Variants in WFDC1 observed in about 807,000 individuals in gnomAD.
The protein encoded by WFDC1 is WAP four-disulfide core domain protein 1.
In WFDC1, 39 loss-of-function variants were observed where a neutral mutation model predicts 32.9. The ratio of observed to expected loss-of-function variants is 1.19; its 90% confidence interval spans 0.92 to 1.55. WFDC1 has a LOEUF of 1.55. Among genes scored for constraint, WFDC1 ranks in the 40% most tolerant of loss-of-function variants. WFDC1 has a pLI of 0.00. For missense variants in WFDC1, 386 were observed against 309.5 expected (o/e 1.25, Z -1.85); for synonymous variants, 184 against 137.4 (o/e 1.34, Z -2.37).
chr16:84,314,743 A>G (rs777246184), intron 2 of WFDC1, among the ~76,000 whole-genome samples: 1 of 152,144 alleles, frequency 6.6e-6, no homozygotes, highest in Non-Finnish European at 1.5e-5. Context: ...GAAAACCTAA[A>G]TGTTGCCCCT....
chr16:84,306,655 C>G (rs1907277237), intron 1 of WFDC1, among the ~76,000 whole-genome samples: 1 of 152,224 alleles, frequency 6.6e-6, no homozygotes, highest in Non-Finnish European at 1.5e-5. Flanking sequence ...GACCCCTGCT[C>G]TGCAGAACCC....
In WFDC1 at chr16:84,303,393, C is replaced by A. The variant is rs78672062; in HGVS notation, c.144+8278C>A. The stretch of plus-strand genomic sequence containing the variant: ...GGAGGCATGTGGGTAGCTTTGGTGG[C>A]AGCTCTGGAGATTGGATTCTTTTTC... On this transcript the variant is annotated intron_variant, in intron 1 of 6. Transcript: ENST00000219454. Among the ~76,000 whole-genome samples, 1,290 of 151,598 alleles carry A rather than the reference C, an allele frequency of 8.5e-3. 22 individuals are homozygous for A. Among genetic ancestry groups the A allele is most frequent in the African/African-American group, 0.03 (1,229 of 41,258 alleles).
In WFDC1 at chr16:84,303,525, A is replaced by C. The variant is rs1401155637; in HGVS notation, c.144+8410A>C. ...AACACAGAAAGTTATAAATTAGTAG[A>C]AATGATCTGAATTCTTCCTCCAAGA... On this transcript the variant is annotated intron_variant, in intron 1 of 6. Coordinates refer to ENST00000219454, the MANE Select transcript of WFDC1 (RefSeq NM_021197.4). 2.6e-5 allele frequency among the ~76,000 whole-genome samples: 4 copies of C among 152,276 alleles called. No individual in the cohort carries two copies. In the South Asian group the frequency reaches 6.2e-4, roughly 24 times the overall value.
chr16:84,314,678 G>C (rs1451190640), intron 2 of WFDC1, among the ~76,000 whole-genome samples: 2 of 152,180 alleles, frequency 1.3e-5, no homozygotes, highest in Non-Finnish European at 2.9e-5. Context: ...TACTGCCTCT[G>C]GGCAGGAACT....
In WFDC1 at chr16:84,319,462, C is replaced by T. The variant is rs745370597; in HGVS notation, c.453C>T (p.Ala151=). 16 of 1,611,616 alleles carry T rather than the reference C, an allele frequency of 9.9e-6. No individual in the cohort carries two copies. Among genetic ancestry groups the T allele is most frequent in the South Asian group, 5.5e-5 (5 of 91,084 alleles). The change falls in exon 4 of 7, where the codon GCC becomes GCT. Residue 151 remains alanine (A), a synonymous_variant. Transcript: ENST00000219454. ...AEACSTTEDG[A]EPLLCPSGYE... ...CGTGCAGCACCACGGAGGATGGGGC[C>T]GAACCCCTGCTCTGTCCCTCGGGCT...
At chr16:84,325,048 C>T (rs1567665073) in intron 5 of WFDC1, among the ~76,000 whole-genome samples, 1 of 151,910 alleles carries the variant, frequency 6.6e-6, no homozygotes, top group African/African-American at 2.4e-5. Context: ...TCTATCTTTT[C>T]ACCCACCCAT....
Position 84,313,047 on chromosome 16 carries a change from C to G in WFDC1, c.231C>G (p.Ala77=). The G allele has an allele frequency of 1.4e-6, 2 of 1,380,034 alleles. No individual in the cohort carries two copies. Among genetic ancestry groups the G allele is most frequent in the Non-Finnish European group, 1.9e-6 (2 of 1,068,572 alleles). 85.5% of individuals were successfully genotyped at this position (1,380,034 alleles called of 1,614,324 possible). A position where few individuals can be genotyped will look rare whatever the true frequency, so the allele number is the denominator to read the frequency against. The change falls in exon 2 of 7, where the codon GCC becomes GCG. Residue 77 remains alanine, a synonymous_variant. Coordinates refer to ENST00000219454, the MANE Select transcript of WFDC1 (RefSeq NM_021197.4). ...PPPPRTLPPG[A]CQAARCQADS... ...CTCCGCGGACGCTGCCCCCCGGCGC[C>G]TGCCAGGCCGCGCGCTGTCAGGCGG...
At chr16:84,327,213 T>A (rs1372981506) in intron 6 of WFDC1, 1 of 436,278 alleles carries the variant, frequency 2.3e-6, no homozygotes, top group Non-Finnish European at 4.2e-6. Flanking sequence ...TTTTAAGAGA[T>A]GGGGTCTCAC....
Position 84,319,474 on chromosome 16 carries a change from C to A in WFDC1, c.465C>A (p.Leu155=). The change falls in exon 4 of 7, where the codon CTC becomes CTA. Residue 155 remains leucine (L), a synonymous_variant. Coordinates refer to ENST00000219454, the MANE Select transcript of WFDC1 (RefSeq NM_021197.4). ...STTEDGAEPL[L]CPSGYECHIL... ...CGGAGGATGGGGCCGAACCCCTGCT[C>A]TGTCCCTCGGGCTATGAGTGCCACA... 1 of 1,612,418 alleles carries A rather than the reference C, an allele frequency of 6.2e-7. No individual in the cohort carries two copies. The highest frequency in any genetic ancestry group is 8.5e-7 in the Non-Finnish European group (1 of 1,179,966).
intron 2 of WFDC1, among the ~76,000 whole-genome samples, chr16:84,315,122 C>T (rs1257881939): frequency 4.6e-5 from 7 of 152,164 alleles, no homozygotes; most frequent in African/African-American, 1.7e-4. Context: ...GAATGTGGAG[C>T]CCCTGCCCTG....
chr16:84,322,848 C>T (rs72802675), intron 4 of WFDC1, among the ~76,000 whole-genome samples: 10,298 of 152,288 alleles, frequency 0.068, 487 homozygotes, highest in Non-Finnish European at 0.1. Flanking sequence ...AGCTGAGCTG[C>T]GGGGGCTGGC....
Position 84,313,115 on chromosome 16 carries a change from GC to G in WFDC1, c.300del (p.Cys100TrpfsTer6), listed in dbSNP as rs1567658038. ...PRHRRCCYNG[C>X]AYACLEAVPP... ...CACCGGCGCTGCTGCTACAACGGATGCGCCTACGCCTGCCTAGAAGCTGTGC... is the reference window on the plus strand; with the variant it reads ...CACCGGCGCTGCTGCTACAACGGATGGCCTACGCCTGCCTAGAAGCTGTGC... On this transcript the variant is annotated frameshift_variant, in exon 2 of 7. Transcript: ENST00000219454. LOFTEE classifies it high-confidence loss of function. 2.1e-6 allele frequency: 3 copies of G among 1,442,000 alleles called. No homozygotes were observed. Among genetic ancestry groups the G allele is most frequent in the Non-Finnish European group, 2.7e-6 (3 of 1,105,088 alleles). 89.3% of individuals were successfully genotyped at this position (1,442,000 alleles called of 1,614,324 possible).
intron 4 of WFDC1, among the ~76,000 whole-genome samples, chr16:84,320,032 C>A (rs1452854738): frequency 6.6e-6 from 1 of 151,584 alleles, no homozygotes; most frequent in Non-Finnish European, 1.5e-5. Flanking sequence ...CGATGGTCAA[C>A]TTAAGATTGT....
At chr16:84,320,054 C>T (rs1261687799) in intron 4 of WFDC1, among the ~76,000 whole-genome samples, 1 of 152,190 alleles carries the variant, frequency 6.6e-6, no homozygotes, top group Non-Finnish European at 1.5e-5. Context: ...AGACTTTACG[C>T]TGGTGCAGAA....
At position 84,319,676 on chromosome 16, in the gene WFDC1, G is replaced by A. The variant is rs1412342405; in HGVS notation, c.562+105G>A. 3.4e-6 allele frequency: 5 copies of A among 1,460,182 alleles called. No individual in the cohort carries two copies. The East Asian group carries it at 1.2e-4, about 35-fold the overall frequency. The allele number at this position is 1,460,182 out of a possible 1,614,324, so 90.5% of individuals were successfully genotyped here. Reference sequence around the variant, plus strand: ...CGACCTGCCCCAGGAAGCAGCCCCAGCACCTGGGCCTGACTGAGAGCTCCT... The same window carrying A: ...CGACCTGCCCCAGGAAGCAGCCCCAACACCTGGGCCTGACTGAGAGCTCCT... On this transcript the variant is annotated intron_variant, in intron 4 of 6. Transcript: ENST00000219454.
At chr16:84,324,556 A>T (rs1908479210) in intron 5 of WFDC1, 96 bp downstream of exon 5, 1 of 1,405,216 alleles carries the variant, frequency 7.1e-7, no homozygotes, top group Non-Finnish European at 9.8e-7. Flanking sequence ...CAGGGCTGAG[A>T]TATAGGGAAC....
In WFDC1 at chr16:84,294,939, T is replaced by C; in HGVS notation, c.-33T>C. On this transcript the variant is annotated 5_prime_UTR_variant, in exon 1 of 7. Transcript: ENST00000219454. ...CGCAGCGAGGGGGGCCCCTCTTCTG[T>C]GTGCGTCTGGAAGGTCGCTGCCCAG... 6.3e-7 allele frequency: 1 copy of C among 1,599,972 alleles called. No homozygotes were observed.
At chr16:84,301,707 C>T (rs1906946381) in intron 1 of WFDC1, among the ~76,000 whole-genome samples, 1 of 152,146 alleles carries the variant, frequency 6.6e-6, no homozygotes, top group African/African-American at 2.4e-5. Context: ...CTTGGCCACA[C>T]CCTGGTGTCT....
intron 4 of WFDC1, among the ~76,000 whole-genome samples, chr16:84,319,924 A>G (rs1268033605): frequency 2.0e-5 from 3 of 152,194 alleles, no homozygotes; most frequent in East Asian, 1.9e-4. Flanking sequence ...GACTGAAATC[A>G]TAAGTGCAGA....
Sources: gnomAD v4.1 joint callset for allele counts (sites outside exome capture counted in the v4.1 genomes callset) on GRCh38, gnomAD v4.1.1 for gene constraint, MANE v1.5 for transcripts, NCBI Gene and HGNC (gene_info 2026-07-23, HGNC 2026-07-21) for gene names.